CASTOR2: variants seen among roughly 807,000 people sequenced by gnomAD.
CASTOR2 encodes the protein cytosolic arginine sensor for mTORC1 subunit 2.
A neutral mutation model predicts 31.2 loss-of-function variants in CASTOR2; 8 were observed. The observed-to-expected ratio is 0.26, with a 90% CI of 0.15 to 0.46. The LOEUF is 0.46. Ranked by LOEUF, CASTOR2 falls within the 20% of genes least tolerant of loss-of-function variation. The pLI, the probability that CASTOR2 is intolerant of heterozygous loss-of-function variation, is 0.99. For synonymous variants in CASTOR2, 162 were observed against 158.7 expected (o/e 1.02, Z -0.16); for missense variants, 216 against 382.1 (o/e 0.57, Z 3.62).
At chr7:74,989,162 C>T (rs1804144720) in intron 1 of CASTOR2, among the ~76,000 whole-genome samples, 1 of 151,548 alleles carries the variant, frequency 6.6e-6, no homozygotes, top group Non-Finnish European at 1.5e-5. Flanking sequence ...TACGGGGTTT[C>T]ACCGTGTTAG....
intron 1 of CASTOR2, among the ~76,000 whole-genome samples, chr7:74,978,263 C>T (rs1554435983): frequency 6.7e-6 from 1 of 149,580 alleles, no homozygotes; most frequent in African/African-American, 2.5e-5. Context: ...GCCACCACGC[C>T]TGGCTAATTT....
chr7:74,989,355 C>G (rs1804150251), intron 1 of CASTOR2, among the ~76,000 whole-genome samples: 2 of 151,402 alleles, frequency 1.3e-5, no homozygotes. Context: ...CTCCTGGGCT[C>G]AAGCAGTCCT....
At chr7:74,998,284 G>T (rs1804401302) in intron 1 of CASTOR2, among the ~76,000 whole-genome samples, 1 of 152,194 alleles carries the variant, frequency 6.6e-6, no homozygotes, top group Non-Finnish European at 1.5e-5. Flanking sequence ...TGGAGGAGGA[G>T]ATGCAGCCTT....
At chr7:75,017,516 C>T in intron 2 of CASTOR2, 82 bp from the exon 3 acceptor site, 6 of 1,500,944 alleles carry the variant, frequency 4.0e-6, no homozygotes, top group South Asian at 3.5e-5. Context: ...GCATCACTCT[C>T]CACCTCTGGC....
Position 75,027,894 on chromosome 7 carries a change from G to A in CASTOR2, c.*3195G>A. ...AGGGGCCGTCTGCCCTTGTCCCCCA[G>A]CTATCTCCTGGTCTGCTGGGTGGGA... On this transcript the variant is annotated 3_prime_UTR_variant, in exon 9 of 9. Transcript: ENST00000616305. 2.1e-6 allele frequency: 2 copies of A among 972,604 alleles called. No homozygotes were observed. Among genetic ancestry groups the A allele is most frequent in the East Asian group, 5.2e-5 (2 of 38,180 alleles). The allele number at this position is 972,604 out of a possible 1,614,324, so 60.2% of individuals were successfully genotyped here. A position where few individuals can be genotyped will look rare whatever the true frequency, so the allele number is the denominator to read the frequency against.
At chr7:75,024,407 C>T (rs1427489707) in intron 7 of CASTOR2, 33 bp from the exon 8 acceptor site, 29 of 1,549,518 alleles carry the variant, frequency 1.9e-5, no homozygotes, top group South Asian at 7.1e-5. Context: ...AGCCAGGTTA[C>T]ACAGAGGCTA....
rs1805283176 is a variant in CASTOR2, at chr7:75,030,854, A to G, written c.*6155A>G. Among the ~76,000 whole-genome samples the G allele has an allele frequency of 6.6e-6, 1 of 152,172 alleles. No homozygotes were observed. The highest frequency in any genetic ancestry group is 2.4e-5 in the African/African-American group (1 of 41,460). ...TCTTCAAAGGCATCCCATCCTGCAG[A>G]TGGTGTTCACAGGGAGAGTTTGTGG... On this transcript the variant is annotated 3_prime_UTR_variant, in exon 9 of 9. Transcript: ENST00000616305.
At chr7:75,001,730 C>A (rs1804502298) in intron 1 of CASTOR2, among the ~76,000 whole-genome samples, 1 of 152,224 alleles carries the variant, frequency 6.6e-6, no homozygotes. Flanking sequence ...GTGTCAGATA[C>A]AAGGTGTGTG....
Position 75,025,104 on chromosome 7 carries a change from C to G in CASTOR2, c.*405C>G, listed in dbSNP as rs1460159440. 1.3e-5 allele frequency among the ~76,000 whole-genome samples: 2 copies of G among 152,192 alleles called. No homozygotes were observed. Among genetic ancestry groups the G allele is most frequent in the Non-Finnish European group, 2.9e-5 (2 of 68,028 alleles). The stretch of plus-strand genomic sequence containing the variant: ...GTCATGTCACCTTGCAGGGCTGGGG[C>G]TGGCGGGGTGGGGCCGAGTTTGGGG... On this transcript the variant is annotated 3_prime_UTR_variant, in exon 9 of 9. Transcript: ENST00000616305.
Position 75,026,184 on chromosome 7 carries a change from CG to C in CASTOR2, c.*1490del, listed in dbSNP as rs1297834924. On this transcript the variant is annotated 3_prime_UTR_variant, in exon 9 of 9. Coordinates refer to ENST00000616305, the MANE Select transcript of CASTOR2 (RefSeq NM_001145064.3). ...AGGGCCCCTGTGGTTTTGGCTCTGG[CG>C]GGGGTTTTTTTTTTTTTTTTTGAGA... 1.0e-3 allele frequency among the ~76,000 whole-genome samples: 92 copies of C among 89,644 alleles called. 1 individual carries two copies. Among genetic ancestry groups the C allele is most frequent in the Non-Finnish European group, 1.8e-3 (73 of 40,240 alleles). The allele number at this position is 89,644 out of a possible 152,430, so 58.8% of individuals were successfully genotyped here. A position where few individuals can be genotyped will look rare whatever the true frequency, so the allele number is the denominator to read the frequency against.
At chr7:74,977,829 C>G (rs1392913272) in intron 1 of CASTOR2, among the ~76,000 whole-genome samples, 1 of 150,260 alleles carries the variant, frequency 6.7e-6, no homozygotes, top group African/African-American at 2.4e-5. Flanking sequence ...CAAGCACTCG[C>G]CACTACACCC....
chr7:75,024,759 A>T lies in CASTOR2; in HGVS notation c.*60A>T. On this transcript the variant is annotated 3_prime_UTR_variant, in exon 9 of 9. Coordinates refer to ENST00000616305, the MANE Select transcript of CASTOR2 (RefSeq NM_001145064.3). ...GGCCCAGCCCTAACCCTGAAGATTG[A>T]TCTTGCAGTATTTCTCTACAGACTG... 1 of 1,551,384 alleles carries T rather than the reference A, an allele frequency of 6.4e-7. No homozygotes were observed. The highest frequency in any genetic ancestry group is 8.7e-7 in the Non-Finnish European group (1 of 1,146,824).
intron 1 of CASTOR2, among the ~76,000 whole-genome samples, chr7:74,998,257 G>C (rs1469613665): frequency 8.5e-5 from 13 of 152,206 alleles, no homozygotes; most frequent in Non-Finnish European, 1.9e-4. Flanking sequence ...CAAGCCCTGT[G>C]CTGGGCATGG....
chr7:75,016,469 G>A (rs1242522761), intron 2 of CASTOR2, among the ~76,000 whole-genome samples: 2 of 152,174 alleles, frequency 1.3e-5, no homozygotes, highest in Non-Finnish European at 2.9e-5. Context: ...CCATGATGCA[G>A]CCTCTTCAGG....
intron 1 of CASTOR2, among the ~76,000 whole-genome samples, chr7:74,997,646 G>A (rs1584468138): frequency 6.6e-6 from 1 of 151,914 alleles, no homozygotes; most frequent in South Asian, 2.1e-4. Context: ...GGCTGGGCTC[G>A]AACTCCTGAC....
chr7:74,993,649 C>T (rs1397663822), intron 1 of CASTOR2, among the ~76,000 whole-genome samples: 1 of 151,726 alleles, frequency 6.6e-6, no homozygotes. Context: ...CAGGGTTTCA[C>T]CATGTTGCCC....
chr7:75,004,117 C>T lies in CASTOR2; in HGVS notation c.114-3877C>T, dbSNP rs1319618442. ...GGGCTCTCGGGCAGCTGGGCAGCCC[C>T]GCCCCACCCAGGGAGTACCAGCTCA... On this transcript the variant is annotated intron_variant, in intron 1 of 8. Transcript: ENST00000616305. Among the ~76,000 whole-genome samples, 12 of 152,266 alleles carry T rather than the reference C, an allele frequency of 7.9e-5. No homozygotes were observed. In the East Asian group the frequency reaches 2.3e-3, roughly 29 times the overall value.
chr7:75,010,235 G>T (rs1584473091), intron 2 of CASTOR2, among the ~76,000 whole-genome samples: 2 of 152,194 alleles, frequency 1.3e-5, no homozygotes, highest in South Asian at 2.1e-4. Flanking sequence ...CTGGCCTTGT[G>T]GGGAAGGAAG....
chr7:74,992,774 A>C (rs1804242136), intron 1 of CASTOR2, among the ~76,000 whole-genome samples: 2 of 151,264 alleles, frequency 1.3e-5, no homozygotes. Context: ...ATGGTGGTGC[A>C]TGCTTGTAGT....
Sources: allele counts gnomAD v4.1 joint callset (sites outside exome capture counted in the v4.1 genomes callset), GRCh38; gene constraint gnomAD v4.1.1; transcripts MANE v1.5; gene names NCBI Gene and HGNC (gene_info 2026-07-23, HGNC 2026-07-21).